The following SELP variants were observed in gnomAD, a reference collection of about 807,000 sequenced individuals.
The protein encoded by SELP is P-selectin.
Under a neutral mutation model 104.1 loss-of-function variants are expected in SELP, and 92 were observed. That is an observed-to-expected ratio of 0.88 (90% confidence interval 0.75 to 1.05). The LOEUF (loss-of-function observed/expected upper bound fraction) is 1.05, where lower values mean the gene tolerates loss of function less well. SELP is among the 50% of genes least tolerant of loss of function. The pLI, the probability that SELP is intolerant of heterozygous loss-of-function variation, is 0.00. For synonymous variants in SELP, 397 were observed against 364.5 expected, an observed-to-expected ratio of 1.09 and a Z score of -1.01; for missense variants, 1,022 against 1,017.3, an observed-to-expected ratio of 1.00 and a Z score of -0.06.
chr1:169,592,782 C>G (rs1212716744), intron 14 of SELP, among the ~76,000 whole-genome samples: 3 of 152,182 alleles, frequency 2.0e-5, no homozygotes, highest in Admixed American at 1.3e-4. Flanking sequence ...TAGCTTATCA[C>G]ACCAGGTCAC....
chr1:169,625,974 A>T (rs1436189633), intron 1 of SELP, among the ~76,000 whole-genome samples: 2 of 152,210 alleles, frequency 1.3e-5, no homozygotes, highest in Admixed American at 1.3e-4. Flanking sequence ...TGATAGAATG[A>T]CTGTGTCACT....
rs1399723948 is a variant in SELP at position 169,607,009 on chromosome 1, C to G, written c.1459G>C (p.Ala487Pro). 1 of 1,613,764 alleles carries G rather than the reference C, an allele frequency of 6.2e-7. No individual in the cohort carries two copies. The highest frequency in any genetic ancestry group is 1.3e-5 in the African/African-American group (1 of 74,880). The change falls in exon 9 of 17, where the codon GCA becomes CCA. Residue 487 changes from alanine (A) to proline (P), a missense_variant. Physicochemically the swap from Ala to Pro is conservative, Grantham distance 27. Transcript: ENST00000263686. ...GTAGCCAAGCACTGTAGCACACTTGCTCCCACCAGGAGCAAGCCTTCATTG... is the reference window on the plus strand; with the variant it reads ...GTAGCCAAGCACTGTAGCACACTTGGTCCCACCAGGAGCAAGCCTTCATTG... ...TCNEGLLLVGASVLQCLATGN... is the reference protein window; with the variant it reads ...TCNEGLLLVGPSVLQCLATGN...
intron 7 of SELP, among the ~76,000 whole-genome samples, chr1:169,611,275 T>C (rs1662518161): frequency 6.6e-6 from 1 of 152,168 alleles, no homozygotes; most frequent in Non-Finnish European, 1.5e-5. Flanking sequence ...ATACATGCTA[T>C]TTAATTGTAT....
chr1:169,600,907 G>T (rs972653714), intron 10 of SELP, among the ~76,000 whole-genome samples: 2 of 152,192 alleles, frequency 1.3e-5, no homozygotes. Flanking sequence ...TGCTGTTCAT[G>T]GTCAGGGTTG....
chr1:169,607,877 G>A (rs906014987), intron 8 of SELP, among the ~76,000 whole-genome samples: 12 of 152,172 alleles, frequency 7.9e-5, no homozygotes, highest in African/African-American at 2.9e-4. Flanking sequence ...GAGTTCAGGA[G>A]TGGGAAACAT....
At chr1:169,618,081 G>A (rs1472600882) in intron 2 of SELP, among the ~76,000 whole-genome samples, 1 of 152,204 alleles carries the variant, frequency 6.6e-6, no homozygotes, top group East Asian at 1.9e-4. Flanking sequence ...GTACGGTAAT[G>A]TCTGTTTCTA....
intron 1 of SELP, 100 bp downstream of exon 1, chr1:169,629,972 A>G (rs1663555623): frequency 6.8e-7 from 1 of 1,461,578 alleles, no homozygotes; most frequent in Non-Finnish European, 9.6e-7. Context: ...CTCCATGGCT[A>G]TCGCTGTTCC....
intron 12 of SELP, among the ~76,000 whole-genome samples, chr1:169,595,176 G>T (rs935933022): frequency 1.3e-5 from 2 of 152,058 alleles, no homozygotes; most frequent in African/African-American, 2.4e-5. Flanking sequence ...CAAAATTTTG[G>T]TTCTTAAAAT....
chr1:169,612,313 T>C lies in SELP; in HGVS notation c.865A>G (p.Ser289Gly), dbSNP rs747463300. 1 of 1,614,152 alleles carries C rather than the reference T, an allele frequency of 6.2e-7. No individual in the cohort carries two copies. The highest frequency in any genetic ancestry group is 8.5e-7 in the Non-Finnish European group (1 of 1,180,010). The change falls in exon 6 of 17, where the codon AGC becomes GGC. Residue 289 changes from serine to glycine, a missense_variant. Physicochemically the swap from Ser to Gly is moderately conservative, Grantham distance 56 (BLOSUM62 0). Transcript: ENST00000263686. ...GCAAATCCCTCTTCACAACTGAAGC[T>C]GCAGCTAGACTGATGCTGGAATGCT... ...AKAFQHQSSCSFSCEEGFALV... is the reference protein window; with the variant it reads ...AKAFQHQSSCGFSCEEGFALV...
At chr1:169,598,759 T>C (rs1661753660) in intron 10 of SELP, among the ~76,000 whole-genome samples, 1 of 152,208 alleles carries the variant, frequency 6.6e-6, no homozygotes, top group South Asian at 2.1e-4. Context: ...CTTTGAACAC[T>C]GTATCCCAGA....
At chr1:169,629,664 C>T (rs1439031600) in intron 1 of SELP, among the ~76,000 whole-genome samples, 1 of 152,136 alleles carries the variant, frequency 6.6e-6, no homozygotes, top group Non-Finnish European at 1.5e-5. Flanking sequence ...ATCATTTATC[C>T]CAGAGAGAAG....
intron 10 of SELP, among the ~76,000 whole-genome samples, chr1:169,597,745 C>CAAAAA (rs1661700938): frequency 6.6e-6 from 1 of 152,138 alleles, no homozygotes; most frequent in Non-Finnish European, 1.5e-5. Flanking sequence ...CTCAAAACCT[C>CAAAAA]CTGGTCAAGA....
intron 2 of SELP, 98 bp from the exon 3 acceptor site, chr1:169,617,512 C>G: frequency 7.9e-7 from 1 of 1,266,984 alleles, no homozygotes; most frequent in Non-Finnish European, 1.1e-6. Flanking sequence ...AATTTCCGAC[C>G]AGAACATTAA....
intron 10 of SELP, among the ~76,000 whole-genome samples, chr1:169,600,383 G>A (rs748725681): frequency 6.6e-6 from 1 of 152,220 alleles, no homozygotes; most frequent in Non-Finnish European, 1.5e-5. Context: ...GAGAATGTAT[G>A]TAGGTTATAT....
Position 169,594,753 on chromosome 1 carries a change from G to A in SELP, c.2226C>T (p.Gly742=). 6.2e-7 allele frequency: 1 copy of A among 1,613,878 alleles called. No homozygotes were observed. The highest frequency in any genetic ancestry group is 8.5e-7 in the Non-Finnish European group (1 of 1,179,832). Residue 742 remains glycine (G), a synonymous_variant, in exon 13 of 17, where the codon GGC becomes GGT. Coordinates refer to ENST00000263686, the MANE Select transcript of SELP (RefSeq NM_003005.4). ...TCTCTTGGCATGCTGTTTGTGCAGAGCCATTAAGTAACTGGCCCTCTAGAC... is the reference window on the plus strand; with the variant it reads ...TCTCTTGGCATGCTGTTTGTGCAGAACCATTAAGTAACTGGCCCTCTAGAC... The part of the protein sequence containing the change: ...FHCLEGQLLN[G]SAQTACQENG...
At chr1:169,621,852 C>T (rs1027136045) in intron 1 of SELP, among the ~76,000 whole-genome samples, 2 of 152,138 alleles carry the variant, frequency 1.3e-5, no homozygotes, top group African/African-American at 2.4e-5. Flanking sequence ...CGAACCTAAC[C>T]CCACTGCTTT....
At chr1:169,606,610 GTCT>G (rs1447550010) in intron 9 of SELP, among the ~76,000 whole-genome samples, 1 of 151,724 alleles carries the variant, frequency 6.6e-6, no homozygotes, top group Non-Finnish European at 1.5e-5. Context: ...TTCCCACCTG[GTCT>G]TCTTTCCAGA....
At chr1:169,609,781 A>G in intron 7 of SELP, 92 bp from the exon 8 acceptor site, 2 of 1,215,740 alleles carry the variant, frequency 1.6e-6, no homozygotes, top group Non-Finnish European at 2.3e-6. Flanking sequence ...TTTCCTGTCC[A>G]CATTTTCAGT....
intron 14 of SELP, among the ~76,000 whole-genome samples, chr1:169,592,765 A>G (rs1305347701): frequency 6.6e-6 from 1 of 152,124 alleles, no homozygotes; most frequent in Non-Finnish European, 1.5e-5. Flanking sequence ...AGAAAAAGCA[A>G]ATCTCTTAGC....
Sources: gnomAD v4.1 joint callset for allele counts (sites outside exome capture counted in the v4.1 genomes callset) on GRCh38, gnomAD v4.1.1 for gene constraint, MANE v1.5 for transcripts, NCBI Gene and HGNC (gene_info 2026-07-23, HGNC 2026-07-21) for gene names.